The following CUBN variants were observed in gnomAD, a reference collection of about 807,000 sequenced individuals.
The protein encoded by CUBN is cubilin.
In CUBN, 282 loss-of-function variants were observed where a neutral mutation model predicts 405.3. That is an observed-to-expected ratio of 0.70 (90% confidence interval 0.63 to 0.77). CUBN has a LOEUF of 0.77. Among genes scored for constraint, CUBN ranks in the 30% least tolerant of loss-of-function variants. CUBN has a pLI of 0.00. For synonymous variants in CUBN, 1,684 were observed against 1,617.0 expected, an observed-to-expected ratio of 1.04 and a Z score of -0.99; for missense variants, 4,514 against 4,475.2, an observed-to-expected ratio of 1.01 and a Z score of -0.25.
At position 16,910,270 on chromosome 10, in the gene CUBN, T is replaced by C. The variant is rs73594205; in HGVS notation, c.7534-2591A>G. On this transcript the variant is annotated intron_variant, in intron 48 of 66. Transcript: ENST00000377833. ...CTCCTCCTTCTCCTTCTCTTTCTTC[T>C]TCTTCCTCTTTCATCTTTCTTCTTC... is the stretch of plus-strand genomic sequence containing the variant. 9.9e-3 allele frequency among the ~76,000 whole-genome samples: 1,513 copies of C among 152,192 alleles called. 27 individuals are homozygous for C. The highest frequency in any genetic ancestry group is 0.034 in the African/African-American group (1,420 of 41,512).
rs1227265633 is a variant in CUBN at position 17,105,585 on chromosome 10, A to T, written c.1112-10T>A. The stretch of plus-strand genomic sequence containing the variant: ...CAGAGAGGTAAGGAACCTGTTCAGA[A>T]ATAAAAACAAACGTGTAAATACAGG... On this transcript the variant is annotated splice_polypyrimidine_tract_variant and intron_variant, in intron 10 of 66. Coordinates refer to ENST00000377833, the MANE Select transcript of CUBN (RefSeq NM_001081.4). 6.8e-6 allele frequency: 10 copies of T among 1,463,068 alleles called. No homozygotes were observed. Among genetic ancestry groups the T allele is most frequent in the Admixed American group, 1.7e-5 (1 of 59,790 alleles). The allele number at this position is 1,463,068 out of a possible 1,614,324, so 90.6% of individuals were successfully genotyped here.
At chr10:17,124,118 G>A (rs1337149116) in intron 4 of CUBN, among the ~76,000 whole-genome samples, 2 of 152,172 alleles carry the variant, frequency 1.3e-5, no homozygotes, top group East Asian at 3.9e-4. Flanking sequence ...GGTCCCTCGA[G>A]GTGAGCCTTT....
At chr10:16,954,336 A>G in intron 32 of CUBN, 53 bp downstream of exon 32, 1 of 1,603,574 alleles carries the variant, frequency 6.2e-7, no homozygotes, top group Non-Finnish European at 8.5e-7. Flanking sequence ...TGTTGCACCA[A>G]ACAGAGCACT....
chr10:16,826,138 G>T (rs544056267), intron 66 of CUBN, among the ~76,000 whole-genome samples: 27 of 152,186 alleles, frequency 1.8e-4, no homozygotes, highest in African/African-American at 6.0e-4. Flanking sequence ...AGCTGCAAGG[G>T]ATATAGGATT....
intron 10 of CUBN, among the ~76,000 whole-genome samples, chr10:17,107,609 T>A (rs1379117567): frequency 6.6e-6 from 1 of 150,432 alleles, no homozygotes; most frequent in East Asian, 2.0e-4. Flanking sequence ...GCCATTCTCC[T>A]GCCTCAGCCT....
Position 16,894,319 on chromosome 10 carries a change from T to C in CUBN, c.8599-3792A>G, listed in dbSNP as rs1841117713. Among the ~76,000 whole-genome samples, 4 of 152,288 alleles carry C rather than the reference T, an allele frequency of 2.6e-5. No individual in the cohort carries two copies. In the South Asian group the frequency reaches 8.3e-4, roughly 32 times the overall value. On this transcript the variant is annotated intron_variant, in intron 54 of 66. Transcript: ENST00000377833. ...GGTCCTGAAGACATCTGCTATTTTT[T>C]TTTCTCTAGAAGTTTTATATTTTAC...
chr10:16,879,154 G>A (rs1479504907), intron 56 of CUBN, among the ~76,000 whole-genome samples: 1 of 152,206 alleles, frequency 6.6e-6, no homozygotes, highest in African/African-American at 2.4e-5. Flanking sequence ...ATATCTCATA[G>A]TAGTTACATC....
chr10:16,831,691 G>A (rs1268141792), intron 64 of CUBN, among the ~76,000 whole-genome samples: 5 of 152,252 alleles, frequency 3.3e-5, no homozygotes, highest in Non-Finnish European at 7.4e-5. Context: ...TTTTTATACC[G>A]TAGTTTGTGC....
chr10:17,033,023 C>A (rs1834818312), intron 27 of CUBN, among the ~76,000 whole-genome samples: 1 of 152,132 alleles, frequency 6.6e-6, no homozygotes, highest in African/African-American at 2.4e-5. Context: ...CTATAGCAAT[C>A]CCCTTACTGG....
intron 28 of CUBN, among the ~76,000 whole-genome samples, chr10:17,017,777 T>G (rs932403924): frequency 2.6e-5 from 4 of 152,116 alleles, no homozygotes; most frequent in Non-Finnish European, 2.9e-5. Context: ...AAATCATTCT[T>G]ACAGGAGAAC....
In CUBN at chr10:16,982,527, T is replaced by C. The variant is rs766673802; in HGVS notation, c.4652A>G (p.Asn1551Ser). ...RVDRNHRVLL[N>S]FTDFDLEPQD... Reference sequence around the variant, plus strand: ...TGGTTCAAGATCAAAGTCAGTGAAGTTCAAGAGAACACGATGATTTCTGTC... The same window carrying C: ...TGGTTCAAGATCAAAGTCAGTGAAGCTCAAGAGAACACGATGATTTCTGTC... Residue 1551 changes from asparagine (N) to serine (S), a missense_variant, in exon 31 of 67, where the codon AAC becomes AGC. Asn to Ser is a conservative substitution (Grantham distance 46, BLOSUM62 1). This residue lies in a region of CUBN where 1,613 missense variants were observed against 1,542.8 expected (regional missense o/e 1.05). Coordinates refer to ENST00000377833, the MANE Select transcript of CUBN (RefSeq NM_001081.4). 71 of 1,613,680 alleles carry C rather than the reference T, an allele frequency of 4.4e-5. No homozygotes were observed. Among genetic ancestry groups the C allele is most frequent in the Non-Finnish European group, 5.9e-5 (70 of 1,179,792 alleles).
intron 59 of CUBN, among the ~76,000 whole-genome samples, chr10:16,851,914 T>C (rs1839707923): frequency 1.0e-5 from 1 of 95,642 alleles, no homozygotes; most frequent in Non-Finnish European, 2.2e-5. Flanking sequence ...GACTCTATCT[T>C]TCCCTCCCTC....
chr10:16,948,637 G>A, intron 34 of CUBN, 31 bp from the exon 35 acceptor site: 1 of 1,612,384 alleles, frequency 6.2e-7, no homozygotes, highest in South Asian at 1.1e-5. Context: ...CAAGGAGAAT[G>A]AATGACAACA....
chr10:17,057,600 AT>A (rs1400199883), intron 22 of CUBN, among the ~76,000 whole-genome samples: 2 of 152,052 alleles, frequency 1.3e-5, no homozygotes, highest in African/African-American at 4.8e-5. Flanking sequence ...ACTCCTAGGT[AT>A]TTTACGCAAG....
intron 28 of CUBN, among the ~76,000 whole-genome samples, 184 bp downstream of exon 28, chr10:17,019,649 C>G (rs1475786061): frequency 6.6e-6 from 1 of 152,180 alleles, no homozygotes; most frequent in Non-Finnish European, 1.5e-5. Flanking sequence ...CTCTCTTAAT[C>G]CTAACAGACT....
intron 28 of CUBN, among the ~76,000 whole-genome samples, chr10:17,012,354 A>G (rs1312526215): frequency 1.3e-5 from 2 of 152,198 alleles, no homozygotes; most frequent in African/African-American, 2.4e-5. Flanking sequence ...GCTGCGTGGC[A>G]TCTCGTACTA....
At chr10:17,017,439 T>C (rs1369169645) in intron 28 of CUBN, among the ~76,000 whole-genome samples, 1 of 152,132 alleles carries the variant, frequency 6.6e-6, no homozygotes, top group African/African-American at 2.4e-5. Context: ...CATTCTCTTG[T>C]TAGTACTGGG....
At chr10:16,969,479 C>T (rs542606650) in intron 31 of CUBN, among the ~76,000 whole-genome samples, 4 of 152,078 alleles carry the variant, frequency 2.6e-5, no homozygotes, top group African/African-American at 7.2e-5. Context: ...CTTAGCCTCC[C>T]GAGTAGCTGG....
At chr10:17,067,162 A>C (rs1161994682) in intron 21 of CUBN, among the ~76,000 whole-genome samples, 1 of 152,146 alleles carries the variant, frequency 6.6e-6, no homozygotes, top group African/African-American at 2.4e-5. Flanking sequence ...ATAACTCAGA[A>C]AGAGAGGAAA....
Sources: allele counts gnomAD v4.1 joint callset (sites outside exome capture counted in the v4.1 genomes callset), GRCh38; gene constraint gnomAD v4.1.1; regional missense constraint gnomAD v4.1.1; transcripts MANE v1.5; gene names NCBI Gene and HGNC (gene_info 2026-07-23, HGNC 2026-07-21).